The following MAF variants were observed in gnomAD, a reference collection of about 807,000 sequenced individuals.
The protein encoded by MAF is transcription factor Maf.
Under a neutral mutation model 22.0 loss-of-function variants are expected in MAF, and 10 were observed. That is an observed-to-expected ratio of 0.45 (90% CI 0.28 to 0.77). MAF has a LOEUF of 0.77. MAF is among the 30% of genes least tolerant of loss of function. MAF has a pLI of 0.12. For missense variants in MAF, 544 were observed against 548.4 expected, an observed-to-expected ratio of 0.99 and a Z score of 0.08; for synonymous variants, 337 against 255.8, an observed-to-expected ratio of 1.32 and a Z score of -3.03.
chr16:79,354,625 G>T, the MAF span, among the ~76,000 whole-genome samples: 1 of 152,122 alleles, frequency 6.6e-6, no homozygotes, highest in South Asian at 2.1e-4. Flanking sequence ...CTCCTTGTAG[G>T]GACAAAAGGG....
the MAF span, among the ~76,000 whole-genome samples, chr16:79,297,930 A>G: frequency 1.6e-4 from 25 of 152,214 alleles, no homozygotes; most frequent in African/African-American, 5.8e-4. Flanking sequence ...AATCTCTTGG[A>G]TAGGACCCAG....
In MAF at chr16:79,600,098, G is replaced by GCGCC. The variant is rs1913927791; in HGVS notation, c.-200_-197dup. 4 of 594,270 alleles carry GCGCC rather than the reference G, an allele frequency of 6.7e-6. No homozygotes were observed. The highest frequency in any genetic ancestry group is 1.1e-5 in the Non-Finnish European group (4 of 370,662). 36.8% of individuals were successfully genotyped at this position (594,270 alleles called of 1,614,324 possible). ...CCCCCCCGCCCTGCCCGCGCCCCCC[G>GCGCC]CGCCCGCCCTCCCTCCCCCCTGCTC... is the stretch of plus-strand genomic sequence containing the variant. On this transcript the variant is annotated 5_prime_UTR_variant, in exon 1 of 2. Coordinates refer to ENST00000326043, the MANE Select transcript of MAF (RefSeq NM_005360.5).
At chr16:79,243,882 T>C in the MAF span, among the ~76,000 whole-genome samples, 1 of 152,036 alleles carries the variant, frequency 6.6e-6, no homozygotes. Flanking sequence ...TCAAGTCAGC[T>C]TTATCCCTGG....
the MAF span, among the ~76,000 whole-genome samples, chr16:79,569,107 CCCA>C: frequency 0.049 from 7,451 of 152,280 alleles, 270 homozygotes; most frequent in Middle Eastern, 0.095. Flanking sequence ...TCTCACTATT[CCCA>C]CTTCACCTAG....
the MAF span, among the ~76,000 whole-genome samples, chr16:79,573,157 T>C: frequency 6.6e-6 from 1 of 152,228 alleles, no homozygotes; most frequent in African/African-American, 2.4e-5. Context: ...GCTATTTATA[T>C]TAAGGAAATT....
At chr16:79,434,824 C>G in the MAF span, among the ~76,000 whole-genome samples, 3 of 152,118 alleles carry the variant, frequency 2.0e-5, no homozygotes, top group African/African-American at 7.2e-5. Context: ...AGGTTAGTTC[C>G]TTTCTGGTCC....
At chr16:79,341,463 T>C in the MAF span, among the ~76,000 whole-genome samples, 1 of 152,220 alleles carries the variant, frequency 6.6e-6, no homozygotes, top group East Asian at 1.9e-4. Flanking sequence ...CTTTGGTATC[T>C]CTTCTCAACT....
chr16:79,553,303 C>T, the MAF span, among the ~76,000 whole-genome samples: 27 of 152,346 alleles, frequency 1.8e-4, 1 homozygote, highest in Admixed American at 1.4e-3. Flanking sequence ...AATCTGCATT[C>T]ACAGCAGTTG....
chr16:79,356,502 TCTC>T, the MAF span, among the ~76,000 whole-genome samples: 5 of 152,126 alleles, frequency 3.3e-5, no homozygotes, highest in Non-Finnish European at 7.3e-5. Flanking sequence ...GTGCCTTCCA[TCTC>T]CTCAACCTTG....
chr16:79,590,584 G>T (rs974860988), downstream of MAF, among the ~76,000 whole-genome samples: 2 of 152,160 alleles, frequency 1.3e-5, no homozygotes, highest in African/African-American at 4.8e-5. Context: ...AGTCAGGTGG[G>T]AAGGGTGCAG....
At chr16:79,534,677 G>A in the MAF span, among the ~76,000 whole-genome samples, 1 of 152,062 alleles carries the variant, frequency 6.6e-6, no homozygotes. Context: ...CATGGCACAT[G>A]TATACATATG....
At chr16:79,567,817 G>T in the MAF span, among the ~76,000 whole-genome samples, 2 of 152,188 alleles carry the variant, frequency 1.3e-5, no homozygotes, top group South Asian at 4.1e-4. Flanking sequence ...CTCAGAAATG[G>T]AATCTTCCAC....
chr16:79,377,255 T>G, the MAF span, among the ~76,000 whole-genome samples: 5 of 152,240 alleles, frequency 3.3e-5, no homozygotes, highest in Non-Finnish European at 7.3e-5. Flanking sequence ...GGTTTTGATT[T>G]GCGTTTCTCT....
the MAF span, among the ~76,000 whole-genome samples, chr16:79,322,121 A>G: frequency 6.6e-6 from 1 of 152,004 alleles, no homozygotes; most frequent in Admixed American, 6.6e-5. Context: ...AATCCCAGCT[A>G]CTCAGGAGGC....
the MAF span, among the ~76,000 whole-genome samples, chr16:79,231,507 A>G: frequency 3.3e-5 from 5 of 152,102 alleles, no homozygotes; most frequent in African/African-American, 1.2e-4. Context: ...TTCCTGGCTC[A>G]TTGGATTCAA....
the MAF span, among the ~76,000 whole-genome samples, chr16:79,312,795 G>T: frequency 6.6e-6 from 1 of 152,184 alleles, no homozygotes; most frequent in African/African-American, 2.4e-5. Context: ...CGGTGATAAG[G>T]GTATTTGATG....
At chr16:79,327,680 G>C in the MAF span, among the ~76,000 whole-genome samples, 1 of 152,102 alleles carries the variant, frequency 6.6e-6, no homozygotes, top group Admixed American at 6.5e-5. Context: ...TTTGTTCATC[G>C]TCATAATGTT....
At chr16:79,502,675 A>AT in the MAF span, among the ~76,000 whole-genome samples, 1 of 11,664 alleles carries the variant, frequency 8.6e-5, no homozygotes, top group African/African-American at 2.3e-4. Context: ...CCAAAAATAA[A>AT]TAAATATAAA....
At chr16:79,565,676 G>C in the MAF span, among the ~76,000 whole-genome samples, 1 of 152,060 alleles carries the variant, frequency 6.6e-6, no homozygotes, top group Non-Finnish European at 1.5e-5. Context: ...TGCCATAATT[G>C]TAAGTTTCCT....
Sources: gnomAD v4.1 joint callset for allele counts (sites outside exome capture counted in the v4.1 genomes callset) on GRCh38, gnomAD v4.1.1 for gene constraint, MANE v1.5 for transcripts, NCBI Gene and HGNC (gene_info 2026-07-23, HGNC 2026-07-21) for gene names.